Variants in GNG7 observed in about 807,000 individuals in gnomAD.
The protein encoded by GNG7 is guanine nucleotide-binding protein G(I)/G(S)/G(O) subunit gamma-7.
GNG7 carries 1 observed loss-of-function variant against 4.0 expected under a neutral mutation model. The observed-to-expected ratio is 0.25, with a 90% CI of 0.09 to 1.18. The LOEUF is 1.18. Among genes scored for constraint, GNG7 ranks in the 50% most tolerant of loss-of-function variants. GNG7 has a pLI of 0.50. For synonymous variants in GNG7, 34 were observed against 36.9 expected (o/e 0.92, Z 0.29); for missense variants, 86 against 91.9 (o/e 0.94, Z 0.26).
chr19:2,599,625 TC>T, intron 2 of GNG7, among the ~76,000 whole-genome samples: 1 of 152,094 alleles, frequency 6.6e-6, no homozygotes, highest in Non-Finnish European at 1.5e-5. Context: ...AAAGGCAACA[TC>T]AAAGACGGTG....
At chr19:2,622,238 C>A (rs1026792378) in intron 2 of GNG7, among the ~76,000 whole-genome samples, 1 of 152,126 alleles carries the variant, frequency 6.6e-6, no homozygotes, top group Non-Finnish European at 1.5e-5. Flanking sequence ...CGCCACCACA[C>A]CCGGCTAATT....
chr19:2,673,020 G>A (rs1266189790), intron 1 of GNG7, among the ~76,000 whole-genome samples: 1 of 152,012 alleles, frequency 6.6e-6, no homozygotes, highest in East Asian at 2.0e-4. Flanking sequence ...ACTTTGGGAG[G>A]CCGAGGCGGG....
rs73516633 is a variant in GNG7, at chr19:2,525,281, C to G, written c.-37-4556G>C. Among the ~76,000 whole-genome samples, 1,466 of 152,328 alleles carry G rather than the reference C, an allele frequency of 9.6e-3. 29 individuals carry two copies. The highest frequency in any genetic ancestry group is 0.033 in the African/African-American group (1,389 of 41,574). On this transcript the variant is annotated intron_variant, in intron 3 of 4. Transcript: ENST00000382159. ...AGGTGCACACAGTCCCCACGGCTCC[C>G]TCCTGACGGTCGGGCTCTGCCTCGG... is the stretch of plus-strand genomic sequence containing the variant.
intron 2 of GNG7, among the ~76,000 whole-genome samples, chr19:2,637,380 A>G (rs1003562859): frequency 1.3e-5 from 2 of 151,932 alleles, no homozygotes; most frequent in African/African-American, 2.4e-5. Flanking sequence ...GCTGCCACCC[A>G]GAGGTCAGAG....
chr19:2,562,530 G>A (rs902349661), intron 2 of GNG7, among the ~76,000 whole-genome samples: 6 of 152,164 alleles, frequency 3.9e-5, no homozygotes, highest in African/African-American at 1.4e-4. Flanking sequence ...ACCTACAACA[G>A]GGTTTTTCCC....
chr19:2,657,347 AAAAAAAAAAAAAAAATATAT>A (rs1224971595), intron 1 of GNG7, among the ~76,000 whole-genome samples: 1,153 of 18,712 alleles, frequency 0.062, 96 homozygotes, highest in South Asian at 0.23. Flanking sequence ...TAAAAAAAAA[AAAAAAAAAAAAAAAATATAT>A]ATATATATAT....
chr19:2,646,954 A>G (rs536525589), intron 1 of GNG7, among the ~76,000 whole-genome samples: 1 of 152,322 alleles, frequency 6.6e-6, no homozygotes, highest in Non-Finnish European at 1.5e-5. Flanking sequence ...AGGTCTGCCC[A>G]GGACTTTTCC....
At chr19:2,664,680 G>A (rs1258451367) in intron 1 of GNG7, among the ~76,000 whole-genome samples, 3 of 152,202 alleles carry the variant, frequency 2.0e-5, no homozygotes, top group African/African-American at 4.8e-5. Context: ...GGCTGACACC[G>A]TCTGCCCCAT....
At chr19:2,648,874 T>G (rs577522159) in intron 1 of GNG7, among the ~76,000 whole-genome samples, 16 of 150,252 alleles carry the variant, frequency 1.1e-4, no homozygotes, top group African/African-American at 1.2e-4. Context: ...AATCATGTGT[T>G]TTTTTTTTTG....
At chr19:2,543,762 T>C (rs940532406) in intron 3 of GNG7, among the ~76,000 whole-genome samples, 1 of 152,144 alleles carries the variant, frequency 6.6e-6, no homozygotes, top group Admixed American at 6.6e-5. Context: ...CGGCTGCGCT[T>C]TTCCAGTCTG....
At chr19:2,549,360 C>T (rs189085769) in intron 3 of GNG7, among the ~76,000 whole-genome samples, 21 of 150,858 alleles carry the variant, frequency 1.4e-4, no homozygotes, top group South Asian at 6.3e-4. Context: ...TGGCGGATCT[C>T]GGCTCACTGC....
chr19:2,536,286 C>T (rs1053603461), intron 3 of GNG7, among the ~76,000 whole-genome samples: 6 of 151,628 alleles, frequency 4.0e-5, no homozygotes, highest in Admixed American at 2.0e-4. Context: ...GGTGTGGTGG[C>T]GGGCGCCTGT....
intron 2 of GNG7, among the ~76,000 whole-genome samples, chr19:2,556,225 C>G (rs1260824985): frequency 6.6e-6 from 1 of 152,242 alleles, no homozygotes; most frequent in Non-Finnish European, 1.5e-5. Flanking sequence ...GGCAGCCCCA[C>G]TTGGAGAAGC....
chr19:2,581,874 G>C (rs2144791736), intron 2 of GNG7, among the ~76,000 whole-genome samples: 1 of 152,294 alleles, frequency 6.6e-6, no homozygotes, highest in Admixed American at 6.5e-5. Flanking sequence ...GTCTGGGAGG[G>C]GACAGGGAGG....
chr19:2,587,145 C>G (rs1422270636), intron 2 of GNG7, among the ~76,000 whole-genome samples: 1 of 152,034 alleles, frequency 6.6e-6, no homozygotes, highest in African/African-American at 2.4e-5. Flanking sequence ...AGGTTAGGAC[C>G]CCTGGGTTGG....
At position 2,618,382 on chromosome 19, in the gene GNG7, T is replaced by G. The variant is rs1213494444; in HGVS notation, c.-78+27842A>C. ...GTGTGTGTGTGTGTGTGTATCTCAC[T>G]CTGTTGCCCAGGCTGGAGTGCAGTG... is the stretch of plus-strand genomic sequence containing the variant. On this transcript the variant is annotated intron_variant, in intron 2 of 4. Transcript: ENST00000382159. This position sits in a 1 kb window ranked among gnomAD's most constrained non-coding sequence, Gnocchi z 5.1. 3.3e-5 allele frequency among the ~76,000 whole-genome samples: 5 copies of G among 151,940 alleles called. No individual in the cohort carries two copies. Among genetic ancestry groups the G allele is most frequent in the Admixed American group, 6.6e-5 (1 of 15,238 alleles).
At chr19:2,525,507 T>C (rs565620908) in intron 3 of GNG7, among the ~76,000 whole-genome samples, 1 of 151,868 alleles carries the variant, frequency 6.6e-6, no homozygotes, top group African/African-American at 2.4e-5. Context: ...CTCCAGGACA[T>C]AGTGGAAATC....
At chr19:2,569,133 G>A (rs569363772) in intron 2 of GNG7, among the ~76,000 whole-genome samples, 30 of 151,988 alleles carry the variant, frequency 2.0e-4, no homozygotes, top group African/African-American at 4.1e-4. Flanking sequence ...CCACAGGTGC[G>A]CGCACACACA....
intron 2 of GNG7, among the ~76,000 whole-genome samples, chr19:2,568,733 TATAC>T (rs373405591): frequency 0.31 from 46,741 of 150,440 alleles, 8,305 homozygotes; most frequent in Non-Finnish European, 0.41. Context: ...TACAGACACA[TATAC>T]ATACATACAC....
Sources: allele counts gnomAD v4.1 joint callset (sites outside exome capture counted in the v4.1 genomes callset), GRCh38; gene constraint gnomAD v4.1.1; non-coding constraint Gnocchi (gnomAD v3.1); transcripts MANE v1.5; gene names NCBI Gene and HGNC (gene_info 2026-07-23, HGNC 2026-07-21).